MAPK6: variants seen among roughly 807,000 people sequenced by gnomAD.
MAPK6 encodes the protein mitogen-activated protein kinase 6, also known as ERK-3.
Under a neutral mutation model 59.3 loss-of-function variants are expected in MAPK6, and 19 were observed. The observed-to-expected ratio is 0.32, with a 90% CI of 0.22 to 0.47. MAPK6 has a LOEUF of 0.47. Ranked by LOEUF, MAPK6 falls within the 20% of genes least tolerant of loss-of-function variation. The pLI, the probability that MAPK6 is intolerant of heterozygous loss-of-function variation, is 1.00. For synonymous variants in MAPK6, 316 were observed against 290.3 expected, an observed-to-expected ratio of 1.09 and a Z score of -0.90; for missense variants, 724 against 847.9, an observed-to-expected ratio of 0.85 and a Z score of 1.81.
chr15:51,980,852 A>C (rs995124502), intron 1 of MAPK6, among the ~76,000 whole-genome samples: 3 of 151,456 alleles, frequency 2.0e-5, no homozygotes, highest in African/African-American at 7.3e-5. Flanking sequence ...TCAGCCTCCC[A>C]GAGTGTTGGG....
intron 3 of MAPK6, among the ~76,000 whole-genome samples, chr15:52,052,287 T>C (rs1039329888): frequency 5.3e-5 from 8 of 152,234 alleles, no homozygotes; most frequent in African/African-American, 1.2e-4. Context: ...TTCCTCACCA[T>C]GTGGGCTTCT....
intron 2 of MAPK6, among the ~76,000 whole-genome samples, chr15:51,997,097 A>G (rs1277323989): frequency 6.6e-6 from 1 of 151,826 alleles, no homozygotes; most frequent in Non-Finnish European, 1.5e-5. Flanking sequence ...CTCCTGCCTC[A>G]GCCTCCTGAG....
At chr15:52,019,740 T>C (rs2030437120) in intron 1 of MAPK6, among the ~76,000 whole-genome samples, 1 of 151,120 alleles carries the variant, frequency 6.6e-6, no homozygotes, top group African/African-American at 2.4e-5. Context: ...GCACGCCTGC[T>C]GCCGTCCCGC....
intron 1 of MAPK6, among the ~76,000 whole-genome samples, chr15:52,023,366 A>C (rs903672514): frequency 1.3e-5 from 2 of 152,202 alleles, no homozygotes; most frequent in African/African-American, 4.8e-5. Context: ...GTTGAACATT[A>C]CACTACAACC....
intron 2 of MAPK6, among the ~76,000 whole-genome samples, chr15:51,984,780 A>G (rs1595957845): frequency 6.6e-6 from 1 of 152,024 alleles, no homozygotes; most frequent in Admixed American, 6.6e-5. Flanking sequence ...ATGTATAGTT[A>G]TTGTACACAC....
In MAPK6 at chr15:52,063,953, T is replaced by C; in HGVS notation, c.1119T>C (p.Phe373=). The stretch of plus-strand genomic sequence containing the variant: ...ATGATTGGCCTGTACATAACAACTT[T>C]GATATTGATGAAGTTCAGCTTGATC... The part of the protein sequence containing the change: ...SEHDWPVHNN[F]DIDEVQLDPR... The change falls in exon 6 of 6, where the codon TTT becomes TTC. Residue 373 remains phenylalanine, a synonymous_variant. Coordinates refer to ENST00000261845, the MANE Select transcript of MAPK6 (RefSeq NM_002748.4). 1 of 1,602,516 alleles carries C rather than the reference T, an allele frequency of 6.2e-7. No homozygotes were observed. The highest frequency in any genetic ancestry group is 8.5e-7 in the Non-Finnish European group (1 of 1,174,660).
chr15:52,008,059 C>T (rs147372623), intron 3 of MAPK6, among the ~76,000 whole-genome samples: 1 of 152,030 alleles, frequency 6.6e-6, no homozygotes, highest in Non-Finnish European at 1.5e-5. Flanking sequence ...TTTGGGCAAG[C>T]TGGTCTCAAA....
At chr15:52,018,459 G>C (rs571337585), upstream of MAPK6, among the ~76,000 whole-genome samples, 5 of 152,290 alleles carry the variant, frequency 3.3e-5, no homozygotes, top group African/African-American at 1.2e-4. Flanking sequence ...GCTGACCTGC[G>C]TCTCTAATTT....
intron 3 of MAPK6, among the ~76,000 whole-genome samples, chr15:52,055,956 A>ATGAT (rs2031966505): frequency 1.3e-5 from 2 of 152,354 alleles, no homozygotes; most frequent in South Asian, 4.1e-4. Context: ...TTGCAATGAA[A>ATGAT]TGATTGGAAA....
At chr15:52,032,667 G>GT (rs890223081) in intron 1 of MAPK6, among the ~76,000 whole-genome samples, 4 of 151,956 alleles carry the variant, frequency 2.6e-5, no homozygotes, top group Admixed American at 6.6e-5. Flanking sequence ...TTTCTATCCA[G>GT]TTTTTTTAAA....
rs550860005 is a variant in MAPK6, at chr15:52,065,770, G to A, written c.*770G>A. On this transcript the variant is annotated 3_prime_UTR_variant, in exon 6 of 6. Coordinates refer to ENST00000261845, the MANE Select transcript of MAPK6 (RefSeq NM_002748.4). ...CTTTACTTTTTCCATTTGGCACTAT[G>A]GTTTGTTGCCTACCTAGCTGCATCT... 7 of 152,596 alleles carry A rather than the reference G, an allele frequency of 4.6e-5. No homozygotes were observed. In the South Asian group the frequency reaches 1.4e-3, roughly 32 times the overall value. The allele number at this position is 152,596 out of a possible 1,614,324, so 9.5% of individuals were successfully genotyped here. A position where few individuals can be genotyped will look rare whatever the true frequency, so the allele number is the denominator to read the frequency against.
At chr15:51,991,135 A>T (rs1224834148) in intron 2 of MAPK6, among the ~76,000 whole-genome samples, 2 of 122,828 alleles carry the variant, frequency 1.6e-5, no homozygotes, top group African/African-American at 7.8e-5. Flanking sequence ...TCTCAAAAAG[A>T]AATATATATA....
rs370358927 is a variant in MAPK6 at position 52,047,414 on chromosome 15, C to T, written c.555+399C>T. Among the ~76,000 whole-genome samples the T allele has an allele frequency of 1.2e-4, 18 of 152,198 alleles. 1 individual carries two copies. Among genetic ancestry groups the T allele is most frequent in the African/African-American group, 3.4e-4 (14 of 41,524 alleles). On this transcript the variant is annotated intron_variant, in intron 2 of 5. Transcript: ENST00000261845. ...AGGGTAGAGTGCTGTGGCGCCATCTCGGCTCACTGCAACCTTCATCCCCTG... is the reference window on the plus strand; with the variant it reads ...AGGGTAGAGTGCTGTGGCGCCATCTTGGCTCACTGCAACCTTCATCCCCTG...
intron 3 of MAPK6, among the ~76,000 whole-genome samples, chr15:52,056,262 G>T (rs1439687383): frequency 6.6e-6 from 1 of 152,182 alleles, no homozygotes; most frequent in Non-Finnish European, 1.5e-5. Flanking sequence ...CTTTCCTGCT[G>T]TAGCACTTCT....
intron 3 of MAPK6, among the ~76,000 whole-genome samples, chr15:52,012,918 C>T (rs1307973762): frequency 1.4e-5 from 2 of 143,910 alleles, no homozygotes; most frequent in African/African-American, 5.2e-5. Flanking sequence ...ACCCGGGAGG[C>T]GGAGGTTGCA....
intron 2 of MAPK6, among the ~76,000 whole-genome samples, chr15:52,002,879 C>T (rs192867894): frequency 7.9e-5 from 12 of 152,218 alleles, no homozygotes; most frequent in Admixed American, 3.9e-4. Flanking sequence ...GAAGGAGGAA[C>T]TGTCAAACAC....
intron 1 of MAPK6, among the ~76,000 whole-genome samples, chr15:52,033,187 T>G (rs752979137): frequency 1.3e-5 from 2 of 152,172 alleles, no homozygotes; most frequent in Non-Finnish European, 2.9e-5. Flanking sequence ...GGTGTGATGG[T>G]TAGTATTAAG....
chr15:52,002,330 G>A (rs538220885), intron 2 of MAPK6, among the ~76,000 whole-genome samples: 9 of 152,198 alleles, frequency 5.9e-5, no homozygotes, highest in Non-Finnish European at 1.3e-4. Context: ...GGGGTTATCT[G>A]GGTTCCATCT....
intron 2 of MAPK6, among the ~76,000 whole-genome samples, chr15:52,048,129 C>T (rs1190555074): frequency 3.9e-5 from 6 of 151,994 alleles, no homozygotes; most frequent in Non-Finnish European, 7.4e-5. Context: ...TGTTGTTTCA[C>T]GTTAAGATTA....
Sources: allele counts gnomAD v4.1 joint callset (sites outside exome capture counted in the v4.1 genomes callset), GRCh38; gene constraint gnomAD v4.1.1; transcripts MANE v1.5; gene names NCBI Gene and HGNC (gene_info 2026-07-23, HGNC 2026-07-21).